The following ARNT2 variants were observed in gnomAD, a reference collection of about 807,000 sequenced individuals.
ARNT2 encodes aryl hydrocarbon receptor nuclear translocator 2, also known as ARNT protein 2.
A neutral mutation model predicts 91.7 loss-of-function variants in ARNT2; 36 were observed. That is an observed-to-expected ratio of 0.39 (90% CI 0.30 to 0.52). ARNT2 has a LOEUF of 0.52. Among genes scored for constraint, ARNT2 ranks in the 20% least tolerant of loss-of-function variants. ARNT2 has a pLI of 0.72. For synonymous variants in ARNT2, 365 were observed against 347.1 expected (o/e 1.05, Z -0.57); for missense variants, 775 against 939.3 (o/e 0.83, Z 2.29).
intron 1 of ARNT2, among the ~76,000 whole-genome samples, chr15:80,410,103 T>C (rs563767568): frequency 6.6e-6 from 1 of 152,272 alleles, no homozygotes; most frequent in South Asian, 2.1e-4. Flanking sequence ...GAGAGCCAAT[T>C]GGACTGAAGC....
chr15:80,581,493 TC>T, intron 17 of ARNT2, 89 bp downstream of exon 17: 1 of 1,538,086 alleles, frequency 6.5e-7, no homozygotes. Flanking sequence ...AGCTCCAAGC[TC>T]CCAGCTACCA....
chr15:80,406,201 T>A (rs764460062), intron 1 of ARNT2, among the ~76,000 whole-genome samples: 1 of 152,054 alleles, frequency 6.6e-6, no homozygotes, highest in Non-Finnish European at 1.5e-5. Context: ...AGGGGAGGTG[T>A]CCATGGAGAC....
At chr15:80,405,908 G>C (rs532383528) in intron 1 of ARNT2, among the ~76,000 whole-genome samples, 6 of 146,258 alleles carry the variant, frequency 4.1e-5, no homozygotes, top group African/African-American at 1.4e-4. Context: ...GAGAGACAGA[G>C]AGAGAGAGAG....
intron 1 of ARNT2, among the ~76,000 whole-genome samples, chr15:80,420,095 G>A (rs1195647093): frequency 6.6e-6 from 1 of 152,094 alleles, no homozygotes; most frequent in East Asian, 1.9e-4. Context: ...TCTCACACCA[G>A]AACCCACATT....
chr15:80,557,737 C>T (rs1187482721), intron 11 of ARNT2, among the ~76,000 whole-genome samples: 1 of 152,150 alleles, frequency 6.6e-6, no homozygotes, highest in Non-Finnish European at 1.5e-5. Context: ...AATCCCACTC[C>T]ACACATTCAG....
Position 80,514,353 on chromosome 15 carries a change from C to T in ARNT2, c.825C>T (p.Ala275=), listed in dbSNP as rs1328563947. Residue 275 remains alanine, a synonymous_variant, in exon 8 of 19, where the codon GCC becomes GCT. Coordinates refer to ENST00000303329, the MANE Select transcript of ARNT2 (RefSeq NM_014862.4). ...NGLGPVKEGE[A]QYAVVHCTGY... The stretch of plus-strand genomic sequence containing the variant: ...TTGGCCCTGTGAAAGAAGGAGAAGC[C>T]CAATATGCTGTGGTCCACTGTACAG... 3.1e-6 allele frequency: 5 copies of T among 1,614,114 alleles called. No individual in the cohort carries two copies. The highest frequency in any genetic ancestry group is 4.2e-6 in the Non-Finnish European group (5 of 1,180,004).
intron 1 of ARNT2, among the ~76,000 whole-genome samples, chr15:80,447,588 G>C (rs996064968): frequency 2.0e-5 from 3 of 152,136 alleles, no homozygotes; most frequent in Non-Finnish European, 4.4e-5. Context: ...ACCTTCTTTG[G>C]ATGGACATCC....
intron 5 of ARNT2, among the ~76,000 whole-genome samples, chr15:80,495,197 G>T (rs1330093636): frequency 6.6e-6 from 1 of 152,168 alleles, no homozygotes; most frequent in African/African-American, 2.4e-5. Flanking sequence ...AGGGCCCAGA[G>T]GGGGATGGTT....
chr15:80,449,269 G>T (rs1347114889), intron 1 of ARNT2, among the ~76,000 whole-genome samples: 1 of 152,168 alleles, frequency 6.6e-6, no homozygotes, highest in East Asian at 1.9e-4. Flanking sequence ...CTGCTGTTCT[G>T]TGGAACTTAT....
chr15:80,542,387 A>T (rs1304062476), intron 8 of ARNT2, among the ~76,000 whole-genome samples: 1 of 152,200 alleles, frequency 6.6e-6, no homozygotes, highest in Non-Finnish European at 1.5e-5. Flanking sequence ...GAAACTTACA[A>T]TTGAGAATTA....
intron 8 of ARNT2, among the ~76,000 whole-genome samples, chr15:80,541,504 T>C (rs1897905102): frequency 6.6e-6 from 1 of 152,218 alleles, no homozygotes; most frequent in African/African-American, 2.4e-5. Flanking sequence ...TAGGTCCTAC[T>C]TGTCAATTTT....
At chr15:80,424,271 A>C (rs569784504) in intron 1 of ARNT2, among the ~76,000 whole-genome samples, 69 of 152,344 alleles carry the variant, frequency 4.5e-4, no homozygotes, top group African/African-American at 1.5e-3. Context: ...GGTTGTCCCC[A>C]GAAGGGAGAC....
intron 5 of ARNT2, among the ~76,000 whole-genome samples, chr15:80,504,612 A>T (rs1457227013): frequency 6.6e-6 from 1 of 152,034 alleles, no homozygotes; most frequent in African/African-American, 2.4e-5. Flanking sequence ...TACAAAAAAT[A>T]AAAAAACAAG....
intron 8 of ARNT2, among the ~76,000 whole-genome samples, chr15:80,517,629 GTT>G (rs570738185): frequency 8.3e-5 from 11 of 132,992 alleles, no homozygotes; most frequent in African/African-American, 3.0e-4. Flanking sequence ...GAGTGTTCTG[GTT>G]TTTTTTTTTT....
chr15:80,502,754 C>T (rs1298013062), intron 5 of ARNT2, among the ~76,000 whole-genome samples: 1 of 152,098 alleles, frequency 6.6e-6, no homozygotes, highest in Non-Finnish European at 1.5e-5. Context: ...TATACAGGAG[C>T]TGTCTTACTT....
In ARNT2 at chr15:80,470,248, A is replaced by G; in HGVS notation, c.225A>G (p.Arg75=). Residue 75 remains arginine, a synonymous_variant, in exon 4 of 19, where the codon AGA becomes AGG. Transcript: ENST00000303329. ...RENHSEIERR[R]RNKMTQYITE... ...ATCATAGTGAAATCGAAAGGCGCAG[A>G]CGGAACAAGATGACTCAGTACATCA... 6.2e-7 allele frequency: 1 copy of G among 1,614,156 alleles called. No individual in the cohort carries two copies. The highest frequency in any genetic ancestry group is 1.6e-4 in the Middle Eastern group (1 of 6,062).
intron 8 of ARNT2, among the ~76,000 whole-genome samples, chr15:80,530,418 T>C (rs1897719341): frequency 1.3e-5 from 2 of 152,146 alleles, no homozygotes; most frequent in Admixed American, 6.5e-5. Context: ...CAACATGCCG[T>C]GTTCTGTGCT....
At chr15:80,505,927 GTTTTTTTTT>G (rs1161520898) in intron 5 of ARNT2, among the ~76,000 whole-genome samples, 14 of 88,930 alleles carry the variant, frequency 1.6e-4, no homozygotes, top group African/African-American at 5.1e-4. Context: ...AACATTTGTT[GTTTTTTTTT>G]TTTTTTTTTT....
At chr15:80,552,899 C>T in intron 10 of ARNT2, 125 bp downstream of exon 10, 1 of 1,207,624 alleles carries the variant, frequency 8.3e-7, no homozygotes, top group South Asian at 1.7e-5. Context: ...CCCATATACC[C>T]TGCCTAGATA....
Sources: allele counts gnomAD v4.1 joint callset (sites outside exome capture counted in the v4.1 genomes callset), GRCh38; gene constraint gnomAD v4.1.1; transcripts MANE v1.5; gene names NCBI Gene and HGNC (gene_info 2026-07-23, HGNC 2026-07-21).